STIL: variants seen among roughly 807,000 people sequenced by gnomAD.
The protein encoded by STIL is STIL centriolar assembly protein.
STIL carries 55 observed loss-of-function variants against 110.1 expected under a neutral mutation model. The observed-to-expected ratio is 0.50, with a 90% CI of 0.40 to 0.63. STIL has a LOEUF of 0.63. STIL is among the 20% of genes least tolerant of loss of function. The probability of loss-of-function intolerance (pLI) is 0.00; values close to 1 mark genes in which losing one functional copy is unlikely to be tolerated. For missense variants in STIL, 1,358 were observed against 1,530.0 expected (o/e 0.89, Z 1.87); for synonymous variants, 481 against 530.0 (o/e 0.91, Z 1.27).
intron 8 of STIL, 43 bp downstream of exon 8, chr1:47,293,415 G>T: frequency 6.7e-7 from 1 of 1,501,870 alleles, no homozygotes; most frequent in Non-Finnish European, 9.3e-7. Context: ...ATGAATGGGG[G>T]AAAGGATCGA....
At chr1:47,273,938 A>G (rs543648194) in intron 12 of STIL, among the ~76,000 whole-genome samples, 1 of 152,326 alleles carries the variant, frequency 6.6e-6, no homozygotes, top group Admixed American at 6.5e-5. Flanking sequence ...TCATGTGGCT[A>G]TAAGTTTAAA....
intron 1 of STIL, among the ~76,000 whole-genome samples, chr1:47,313,791 C>T (rs780566757): frequency 1.3e-5 from 2 of 152,176 alleles, no homozygotes; most frequent in Non-Finnish European, 2.9e-5. Flanking sequence ...AAGAAATTCC[C>T]ACCGTAAAAA....
At chr1:47,303,261 C>T (rs1469987036) in intron 3 of STIL, among the ~76,000 whole-genome samples, 1 of 152,132 alleles carries the variant, frequency 6.6e-6, no homozygotes, top group African/African-American at 2.4e-5. Flanking sequence ...TACACCGCCA[C>T]GTTTTAAAAA....
intron 16 of STIL, among the ~76,000 whole-genome samples, chr1:47,252,421 A>G (rs1431400423): frequency 6.6e-6 from 1 of 152,142 alleles, no homozygotes; most frequent in African/African-American, 2.4e-5. Flanking sequence ...AAAAAGGGAT[A>G]CAAATAATAG....
At chr1:47,308,678 A>G (rs1024132045) in intron 2 of STIL, among the ~76,000 whole-genome samples, 1 of 152,122 alleles carries the variant, frequency 6.6e-6, no homozygotes, top group South Asian at 2.1e-4. Flanking sequence ...AAAACCAGAA[A>G]GAATGATTAA....
In STIL at chr1:47,282,410, A is replaced by G; in HGVS notation, c.1183T>C (p.Ser395Pro). ...GAAAAATCTTCATCTTCAACACCAG[A>G]GTCGTGATCATGTATTGGCATCTTC... ...SGKMPIHDHD[S>P]GVEDEDFSPR... is the part of the protein sequence containing the mutation. The change falls in exon 11 of 17, where the codon TCT becomes CCT. Residue 395 changes from serine to proline, a missense_variant. Coordinates refer to ENST00000371877, the MANE Select transcript of STIL (RefSeq NM_001048166.1). The G allele has an allele frequency of 6.2e-7, 1 of 1,613,388 alleles. No homozygotes were observed. Among genetic ancestry groups the G allele is most frequent in the Non-Finnish European group, 8.5e-7 (1 of 1,179,794 alleles).
chr1:47,282,366 A>G lies in STIL; in HGVS notation c.1227T>C (p.Ser409=), dbSNP rs200532713. 53 of 1,611,856 alleles carry G rather than the reference A, an allele frequency of 3.3e-5. No individual in the cohort carries two copies. The highest frequency in any genetic ancestry group is 2.2e-4 in the Admixed American group (13 of 60,012). ...DEDFSPRPIP[S]PHPVSQKISK... ...ATACCTTCTGACTCACTGGATGAGG[A>G]CTAGGAATTGGTCTTGGAGAAAAAT... Residue 409 remains serine (S), a synonymous_variant, in exon 11 of 17, where the codon AGT becomes AGC. Coordinates refer to ENST00000371877, the MANE Select transcript of STIL (RefSeq NM_001048166.1).
intron 12 of STIL, among the ~76,000 whole-genome samples, chr1:47,276,511 T>A (rs925572520): frequency 1.3e-4 from 20 of 151,598 alleles, no homozygotes; most frequent in African/African-American, 4.8e-4. Context: ...ATAATGTAAA[T>A]TAAAACAACT....
chr1:47,262,242 A>T (rs1210335087), intron 15 of STIL, among the ~76,000 whole-genome samples: 1 of 152,204 alleles, frequency 6.6e-6, no homozygotes, highest in Non-Finnish European at 1.5e-5. Flanking sequence ...GCAAATGGAC[A>T]AATCAAATGT....
chr1:47,265,260 A>AAAAAAAAAAAAAAAAAAAAC (rs1553170532), intron 14 of STIL, among the ~76,000 whole-genome samples: 2 of 148,320 alleles, frequency 1.3e-5, no homozygotes, highest in Non-Finnish European at 3.0e-5. Context: ...AAAAAAAAAA[A>AAAAAAAAAAAAAAAAAAAAC]CACAAGATTG....
chr1:47,290,336 A>G (rs958995773), intron 8 of STIL, among the ~76,000 whole-genome samples: 7 of 152,242 alleles, frequency 4.6e-5, no homozygotes, highest in Non-Finnish European at 1.0e-4. Flanking sequence ...CCGTTACTAT[A>G]TATCATCAAT....
Position 47,308,427 on chromosome 1 carries a change from G to GAA in STIL, c.44+1847_44+1848dup, listed in dbSNP as rs34671975. Reference sequence around the variant, plus strand: ...AAAAAGAAAAAAGAAAAAGAAAATGGAAAAAAAAAAGAATAAATTCCTGTC... The same window carrying GAA: ...AAAAAGAAAAAAGAAAAAGAAAATGGAAAAAAAAAAAAGAATAAATTCCTGTC... On this transcript the variant is annotated intron_variant, in intron 2 of 16. Transcript: ENST00000371877. 3.7e-3 allele frequency among the ~76,000 whole-genome samples: 545 copies of GAA among 148,546 alleles called. 1 individual carries two copies. The highest frequency in any genetic ancestry group is 7.0e-3 in the Middle Eastern group (2 of 284).
intron 12 of STIL, among the ~76,000 whole-genome samples, chr1:47,279,030 G>T (rs1300179243): frequency 6.6e-6 from 1 of 152,048 alleles, no homozygotes; most frequent in Non-Finnish European, 1.5e-5. Flanking sequence ...GGGCGCGGAG[G>T]CTCACGCCTG....
intron 2 of STIL, among the ~76,000 whole-genome samples, chr1:47,308,114 T>C (rs1403742665): frequency 1.3e-5 from 2 of 152,220 alleles, no homozygotes; most frequent in Non-Finnish European, 2.9e-5. Flanking sequence ...TCCACTTGCC[T>C]TGTGATATTC....
intron 15 of STIL, among the ~76,000 whole-genome samples, chr1:47,261,098 C>G (rs1274386845): frequency 6.6e-6 from 1 of 151,768 alleles, no homozygotes; most frequent in Non-Finnish European, 1.5e-5. Flanking sequence ...CACTTAAAAA[C>G]CAACATAAGC....
chr1:47,303,827 TTCAG>T (rs1167066131), intron 3 of STIL, among the ~76,000 whole-genome samples: 1 of 152,228 alleles, frequency 6.6e-6, no homozygotes, highest in African/African-American at 2.4e-5. Flanking sequence ...AGTTCCTCTA[TTCAG>T]TCAATCATCA....
At chr1:47,308,162 C>T (rs2149259816) in intron 2 of STIL, among the ~76,000 whole-genome samples, 1 of 152,240 alleles carries the variant, frequency 6.6e-6, no homozygotes, top group South Asian at 2.1e-4. Context: ...GTCACCCACA[C>T]CTATTCGCAC....
rs767648577 is a variant in STIL, at chr1:47,260,293, C to A, written c.3076G>T (p.Ala1026Ser). The part of the protein sequence containing the change: ...VKKNAHNVDH[A>S]SVLACISPEA... ...AAACAAAATTTTAAAAGTTACCTGG[C>A]GTGATCCACGTTATGTGCATTTTTC... Residue 1026 changes from alanine (A) to serine (S), a missense_variant, in exon 16 of 17, where the codon GCC becomes TCC. By Grantham distance (99) the Ala-to-Ser change is moderately conservative. Coordinates refer to ENST00000371877, the MANE Select transcript of STIL (RefSeq NM_001048166.1). 6.2e-7 allele frequency: 1 copy of A among 1,612,798 alleles called. No individual in the cohort carries two copies.
rs1033874686 is a variant in STIL, at chr1:47,250,471, G to A, written c.*665C>T. 1 of 166,126 alleles carries A rather than the reference G, an allele frequency of 6.0e-6. No homozygotes were observed. Among genetic ancestry groups the A allele is most frequent in the African/African-American group, 2.4e-5 (1 of 41,894 alleles). The allele number at this position is 166,126 out of a possible 1,614,324, so 10.3% of individuals were successfully genotyped here. ...TTTACCCAACACCATGATAACTTAT[G>A]TTCTTTTAATGATATAGGATAAATG... On this transcript the variant is annotated 3_prime_UTR_variant, in exon 17 of 17. Coordinates refer to ENST00000371877, the MANE Select transcript of STIL (RefSeq NM_001048166.1).
Sources: allele counts gnomAD v4.1 joint callset (sites outside exome capture counted in the v4.1 genomes callset), GRCh38; gene constraint gnomAD v4.1.1; transcripts MANE v1.5; gene names NCBI Gene and HGNC (gene_info 2026-07-23, HGNC 2026-07-21).